HYDIN: variants seen among roughly 807,000 people sequenced by gnomAD.
The protein encoded by HYDIN is HYDIN axonemal central pair apparatus protein.
Under a neutral mutation model 403.9 loss-of-function variants are expected in HYDIN, and 132 were observed. That is an observed-to-expected ratio of 0.33 (90% confidence interval 0.28 to 0.38). The LOEUF is 0.38. HYDIN is among the 10% of genes least tolerant of loss of function. HYDIN has a pLI of 1.00. For missense variants in HYDIN, 2,827 were observed against 5,009.5 expected (o/e 0.56, Z 13.15); for synonymous variants, 1,202 against 1,891.7 (o/e 0.64, Z 9.46).
intron 25 of HYDIN, among the ~76,000 whole-genome samples, chr16:70,989,347 G>A (rs1328017903): frequency 4.6e-5 from 7 of 152,002 alleles, no homozygotes; most frequent in Non-Finnish European, 1.0e-4. Context: ...CTATTCTTGA[G>A]TTTTCTATGA....
At chr16:71,151,544 G>A (rs1425226691) in intron 7 of HYDIN, among the ~76,000 whole-genome samples, 2 of 152,072 alleles carry the variant, frequency 1.3e-5, no homozygotes, top group African/African-American at 4.8e-5. Context: ...AAGCATCAAT[G>A]ACACCAGTTA....
At chr16:71,230,276 G>A (rs986522809) in intron 1 of HYDIN, among the ~76,000 whole-genome samples, 1 of 152,168 alleles carries the variant, frequency 6.6e-6, no homozygotes, top group Non-Finnish European at 1.5e-5. Flanking sequence ...GAAATGATTC[G>A]TCCAAGGCCT....
intron 23 of HYDIN, among the ~76,000 whole-genome samples, chr16:70,998,659 C>T (rs8058197): frequency 0.17 from 21,919 of 128,750 alleles, 2,311 homozygotes; most frequent in African/African-American, 0.31. Context: ...TCTGACTCTA[C>T]ACATCGCAAA....
rs1287524027 is a variant in HYDIN at position 70,829,746 on chromosome 16, G to A, written c.13984C>T (p.His4662Tyr). 3 of 1,614,060 alleles carry A rather than the reference G, an allele frequency of 1.9e-6. No individual in the cohort carries two copies. Among genetic ancestry groups the A allele is most frequent in the East Asian group, 2.2e-5 (1 of 44,892 alleles). Residue 4662 changes from histidine (H) to tyrosine (Y), a missense_variant, in exon 81 of 86, where the codon CAC (histidine) becomes TAC (tyrosine). By Grantham distance (83) the His-to-Tyr change is moderately conservative (BLOSUM62 2). Transcript: ENST00000393567. ...CAGTGCTCGCCCTCAAAGATGGGGT[G>A]CAGATTCCAGGTCTGGTTGGTGCGG... ...SNRTNQTWNL[H>Y]PIFEGEHWEG... is the part of the protein sequence containing the mutation.
chr16:71,199,916 C>A (rs1015403748), intron 1 of HYDIN, among the ~76,000 whole-genome samples: 1 of 152,156 alleles, frequency 6.6e-6, no homozygotes, highest in African/African-American at 2.4e-5. Context: ...TACTGGGCTG[C>A]ATTCTCAGAC....
chr16:71,005,607 T>C (rs2079868531), intron 23 of HYDIN, among the ~76,000 whole-genome samples: 1 of 152,222 alleles, frequency 6.6e-6, no homozygotes, highest in Non-Finnish European at 1.5e-5. Context: ...TATAGTATAA[T>C]ACATTACACT....
chr16:70,956,577 T>C (rs1216474115), intron 39 of HYDIN, among the ~76,000 whole-genome samples: 1 of 151,736 alleles, frequency 6.6e-6, no homozygotes, highest in Non-Finnish European at 1.5e-5. Flanking sequence ...AGCAGGAGGG[T>C]TGGAGTCAGA....
chr16:70,844,652 G>A (rs2038074505), intron 75 of HYDIN, among the ~76,000 whole-genome samples: 3 of 143,106 alleles, frequency 2.1e-5, no homozygotes, highest in Admixed American at 7.0e-5. Context: ...CCATTTTCAC[G>A]ATACTGATTC....
rs902964838 is a variant in HYDIN at position 70,803,136 on chromosome 16, T to A, written c.*4444A>T. On this transcript the variant is annotated 3_prime_UTR_variant, in exon 86 of 86. Transcript: ENST00000393567. ...AATTTCCCAAGGGTAATGATACAGTTTTTAATAATTCAAACAATAAGGAAT... is the reference window on the plus strand; with the variant it reads ...AATTTCCCAAGGGTAATGATACAGTATTTAATAATTCAAACAATAAGGAAT... Among the ~76,000 whole-genome samples the A allele has an allele frequency of 4.6e-5, 7 of 152,208 alleles. No homozygotes were observed. The highest frequency in any genetic ancestry group is 8.8e-5 in the Non-Finnish European group (6 of 68,034).
rs113407434 is a variant in HYDIN, at chr16:71,110,088, A to G, written c.1327+5608T>C. On this transcript the variant is annotated intron_variant, in intron 10 of 85. Coordinates refer to ENST00000393567, the MANE Select transcript of HYDIN (RefSeq NM_001270974.2). ...GACGTCTGGAGAATTCTGCATTCAC[A>G]TGCAAGGGAGAGGTCAAATCAAAAC... Among the ~76,000 whole-genome samples, 794 of 136,654 alleles carry G rather than the reference A, an allele frequency of 5.8e-3. 6 individuals carry two copies. The highest frequency in any genetic ancestry group is 0.021 in the African/African-American group (755 of 35,780). The allele number at this position is 136,654 out of a possible 152,430, so 89.7% of individuals were successfully genotyped here. A position where few individuals can be genotyped will look rare whatever the true frequency, so the allele number is the denominator to read the frequency against.
intron 64 of HYDIN, among the ~76,000 whole-genome samples, 169 bp from the exon 65 acceptor site, chr16:70,872,348 AT>A (rs1201921052): frequency 7.0e-6 from 1 of 142,406 alleles, no homozygotes; most frequent in Non-Finnish European, 1.5e-5. Flanking sequence ...CAAGGAATCT[AT>A]CTATCCACCC....
At chr16:70,897,600 G>C (rs1352570348) in intron 53 of HYDIN, among the ~76,000 whole-genome samples, 1 of 142,418 alleles carries the variant, frequency 7.0e-6, no homozygotes, top group African/African-American at 3.0e-5. Context: ...TCTATTTCTC[G>C]GCTTCCCCAG....
At chr16:71,128,580 GTT>G (rs112708062) in intron 9 of HYDIN, among the ~76,000 whole-genome samples, 1 of 151,726 alleles carries the variant, frequency 6.6e-6, no homozygotes, top group East Asian at 1.9e-4. Context: ...TCCTATTGCT[GTT>G]TTTTTTGTTT....
At chr16:71,103,004 C>T (rs113469652) in intron 10 of HYDIN, among the ~76,000 whole-genome samples, 7,474 of 150,124 alleles carry the variant, frequency 0.05, 262 homozygotes, top group Middle Eastern at 0.14. Flanking sequence ...ATATTAAATG[C>T]CTTGTGTTAT....
chr16:71,216,988 GAGTTTTACAGCCAGC>G (rs764868044), intron 1 of HYDIN, among the ~76,000 whole-genome samples: 7 of 152,196 alleles, frequency 4.6e-5, no homozygotes, highest in Non-Finnish European at 1.0e-4. Flanking sequence ...TCCTACAAAA[GAGTTTTACAGCCAGC>G]AGGCTCACAG....
intron 83 of HYDIN, among the ~76,000 whole-genome samples, chr16:70,826,640 T>C (rs544441595): frequency 1.3e-5 from 2 of 149,552 alleles, no homozygotes; most frequent in South Asian, 4.2e-4. Context: ...TGAGATGTGA[T>C]TGGAGCATCC....
chr16:70,809,417 G>C (rs893197223), intron 85 of HYDIN, among the ~76,000 whole-genome samples: 1 of 152,202 alleles, frequency 6.6e-6, no homozygotes, highest in Non-Finnish European at 1.5e-5. Context: ...CATACAAAGA[G>C]TAAGTGGTGA....
chr16:70,835,180 T>C (rs1249125308), intron 78 of HYDIN, among the ~76,000 whole-genome samples: 2 of 151,842 alleles, frequency 1.3e-5, no homozygotes, highest in African/African-American at 4.8e-5. Context: ...GTATTTTTAG[T>C]AGAGACGGGG....
intron 9 of HYDIN, 69 bp downstream of exon 9, chr16:71,129,571 C>T (rs1463034018): frequency 6.9e-7 from 1 of 1,439,312 alleles, no homozygotes. Flanking sequence ...CAAGTGAGCG[C>T]TCTTATCAAA....
Sources: gnomAD v4.1 joint callset for allele counts (sites outside exome capture counted in the v4.1 genomes callset) on GRCh38, gnomAD v4.1.1 for gene constraint, MANE v1.5 for transcripts, NCBI Gene and HGNC (gene_info 2026-07-23, HGNC 2026-07-21) for gene names.